The following SLC22A3 variants were observed in gnomAD, a reference collection of about 807,000 sequenced individuals.
The protein encoded by SLC22A3 is EMT organic cation transporter 3.
In SLC22A3, 51 loss-of-function variants were observed where a neutral mutation model predicts 59.1. The ratio of observed to expected loss-of-function variants is 0.86; its 90% confidence interval spans 0.69 to 1.09. SLC22A3 has a LOEUF of 1.09. Ranked by LOEUF, SLC22A3 falls within the 50% of genes least tolerant of loss-of-function variation. The pLI is 0.00. For missense variants in SLC22A3, 711 were observed against 726.3 expected (o/e 0.98, Z 0.24); for synonymous variants, 325 against 292.0 (o/e 1.11, Z -1.15).
chr6:160,418,319 A>C (rs565947050), intron 5 of SLC22A3, among the ~76,000 whole-genome samples: 2 of 152,286 alleles, frequency 1.3e-5, no homozygotes, highest in East Asian at 3.9e-4. Context: ...TTCTTCTTGC[A>C]CTTACATGAG....
rs775824454 is a variant in SLC22A3 at position 160,447,821 on chromosome 6, A to C, written c.1610+3A>C. On this transcript the variant is annotated splice_donor_region_variant and intron_variant, in intron 10 of 10. Coordinates refer to ENST00000275300, the MANE Select transcript of SLC22A3 (RefSeq NM_021977.4). ...GATGATGTAGAAAAACTTGGCAGGT[A>C]CTGTACAAAATTCAATGCACCCTAA... is the stretch of plus-strand genomic sequence containing the variant. 1 of 1,611,122 alleles carries C rather than the reference A, an allele frequency of 6.2e-7. No homozygotes were observed. The highest frequency in any genetic ancestry group is 1.7e-5 in the Admixed American group (1 of 60,022).
chr6:160,350,809 C>T (rs911400967), intron 1 of SLC22A3, among the ~76,000 whole-genome samples: 2 of 152,170 alleles, frequency 1.3e-5, no homozygotes, highest in East Asian at 3.9e-4. Context: ...TTATGAAGAT[C>T]AGTGGCTACT....
At chr6:160,367,188 A>G (rs1281077748) in intron 1 of SLC22A3, among the ~76,000 whole-genome samples, 1 of 152,182 alleles carries the variant, frequency 6.6e-6, no homozygotes, top group Non-Finnish European at 1.5e-5. Flanking sequence ...GCCTCAGGAA[A>G]CTTACAATCA....
chr6:160,444,056 A>G (rs1436251418), intron 9 of SLC22A3, among the ~76,000 whole-genome samples: 1 of 152,222 alleles, frequency 6.6e-6, no homozygotes, highest in Non-Finnish European at 1.5e-5. Context: ...AACATAACCA[A>G]TAATTTTCAG....
chr6:160,353,107 T>G (rs1948357781), intron 1 of SLC22A3, among the ~76,000 whole-genome samples: 1 of 152,166 alleles, frequency 6.6e-6, no homozygotes, highest in Non-Finnish European at 1.5e-5. Flanking sequence ...GCACCCAGCC[T>G]AATAGTTTAT....
chr6:160,426,322 C>T, intron 5 of SLC22A3: 1 of 985,242 alleles, frequency 1.0e-6, no homozygotes, highest in East Asian at 1.1e-4. Flanking sequence ...TCTTGTGGTT[C>T]TTGTGGTTTT....
intron 1 of SLC22A3, among the ~76,000 whole-genome samples, chr6:160,369,948 G>C (rs116835927): frequency 6.6e-6 from 1 of 152,218 alleles, no homozygotes; most frequent in African/African-American, 2.4e-5. Flanking sequence ...GGCAGGAGCC[G>C]TCAGGGTGTC....
At chr6:160,413,010 T>C (rs1420853490) in intron 5 of SLC22A3, among the ~76,000 whole-genome samples, 1 of 151,032 alleles carries the variant, frequency 6.6e-6, no homozygotes, top group East Asian at 1.9e-4. Context: ...GAAAGGAATA[T>C]AGAAAAATAA....
At chr6:160,423,575 G>A (rs1787836589) in intron 5 of SLC22A3, among the ~76,000 whole-genome samples, 1 of 152,166 alleles carries the variant, frequency 6.6e-6, no homozygotes, top group Non-Finnish European at 1.5e-5. Flanking sequence ...TTTCTCTGAT[G>A]GCCAGTGATG....
chr6:160,371,114 C>G (rs139307996), intron 1 of SLC22A3, among the ~76,000 whole-genome samples: 130 of 152,322 alleles, frequency 8.5e-4, no homozygotes, highest in African/African-American at 2.8e-3. Context: ...GCAAACCAAA[C>G]CCCAGTCTCT....
At chr6:160,384,614 G>C (rs1216169330) in intron 1 of SLC22A3, among the ~76,000 whole-genome samples, 1 of 152,096 alleles carries the variant, frequency 6.6e-6, no homozygotes, top group Non-Finnish European at 1.5e-5. Flanking sequence ...GCTTTAAGAG[G>C]AGCATCCAGA....
chr6:160,395,161 A>T (rs1252705261), intron 1 of SLC22A3, among the ~76,000 whole-genome samples: 1 of 152,240 alleles, frequency 6.6e-6, no homozygotes, highest in Non-Finnish European at 1.5e-5. Context: ...TTCTTATTTA[A>T]ATATCAAATA....
At chr6:160,441,912 A>T (rs987669798) in intron 7 of SLC22A3, among the ~76,000 whole-genome samples, 2 of 152,240 alleles carry the variant, frequency 1.3e-5, no homozygotes, top group African/African-American at 4.8e-5. Flanking sequence ...AAAGGATGAC[A>T]TCAATTGCAC....
intron 2 of SLC22A3, among the ~76,000 whole-genome samples, chr6:160,399,064 A>T (rs1430735277): frequency 2.0e-5 from 3 of 152,212 alleles, no homozygotes; most frequent in Admixed American, 1.3e-4. Flanking sequence ...TCTGAGTTTA[A>T]TCAGACCAGT....
chr6:160,359,884 A>G (rs1201709686), intron 1 of SLC22A3, among the ~76,000 whole-genome samples: 1 of 152,188 alleles, frequency 6.6e-6, no homozygotes, highest in Non-Finnish European at 1.5e-5. Flanking sequence ...ACATTTGTAA[A>G]CAGAGTCCAA....
intron 2 of SLC22A3, among the ~76,000 whole-genome samples, chr6:160,399,220 T>A (rs1786653137): frequency 6.6e-6 from 1 of 152,166 alleles, no homozygotes; most frequent in Admixed American, 6.5e-5. Flanking sequence ...CCCCTTTTTC[T>A]TCTTTTTATC....
intron 1 of SLC22A3, 53 bp downstream of exon 1, chr6:160,348,901 C>T (rs987846606): frequency 3.3e-6 from 5 of 1,536,430 alleles, no homozygotes; most frequent in African/African-American, 1.4e-5. Context: ...ATGCTGGCTC[C>T]CAGGCGGACA....
chr6:160,365,680 G>A (rs1376472853), intron 1 of SLC22A3, among the ~76,000 whole-genome samples: 1 of 152,152 alleles, frequency 6.6e-6, no homozygotes, highest in East Asian at 1.9e-4. Flanking sequence ...CAGAAGTTCA[G>A]TTCTTTAAAA....
intron 5 of SLC22A3, among the ~76,000 whole-genome samples, chr6:160,418,547 C>T (rs142803570): frequency 6.6e-6 from 1 of 152,256 alleles, no homozygotes; most frequent in Admixed American, 6.5e-5. Context: ...CAGTTTTGTC[C>T]CTCTAGAGAA....
Sources: allele counts gnomAD v4.1 joint callset (sites outside exome capture counted in the v4.1 genomes callset), GRCh38; gene constraint gnomAD v4.1.1; transcripts MANE v1.5; gene names NCBI Gene and HGNC (gene_info 2026-07-23, HGNC 2026-07-21).